Variants in NOTCH3 observed in about 807,000 individuals in gnomAD.
NOTCH3 encodes neurogenic locus notch homolog protein 3.
A neutral mutation model predicts 213.3 loss-of-function variants in NOTCH3; 86 were observed. That is an observed-to-expected ratio of 0.40 (90% CI 0.34 to 0.48). The LOEUF (loss-of-function observed/expected upper bound fraction) is 0.48. Among genes scored for constraint, NOTCH3 ranks in the 20% least tolerant of loss-of-function variants. The pLI is 0.57. For synonymous variants in NOTCH3, 1,354 were observed against 1,355.9 expected, an observed-to-expected ratio of 1.00 and a Z score of 0.03; for missense variants, 2,783 against 3,272.6, an observed-to-expected ratio of 0.85 and a Z score of 3.65.
rs747052510 is a variant in NOTCH3 at position 15,178,130 on chromosome 19, G to A, written c.3838-40C>T. On this transcript the variant is annotated intron_variant, in intron 23 of 32. Coordinates refer to ENST00000263388, the MANE Select transcript of NOTCH3 (RefSeq NM_000435.3). ...TGGGGAGGGAGGGATAAAAATGAGG[G>A]TGGGGAGTGGAGGGAAGGAGGAGAA... The A allele has an allele frequency of 1.1e-5, 14 of 1,300,816 alleles. No individual in the cohort carries two copies. The South Asian group carries it at 1.5e-4, about 14-fold the overall frequency. The allele number at this position is 1,300,816 out of a possible 1,614,324, so 80.6% of individuals were successfully genotyped here. A position where few individuals can be genotyped will look rare whatever the true frequency, so the allele number is the denominator to read the frequency against.
rs772738353 is a variant in NOTCH3, at chr19:15,177,654, CA to C, written c.4273del (p.Trp1425GlyfsTer153). On this transcript the variant is annotated frameshift_variant, in exon 24 of 33. Transcript: ENST00000263388. LOFTEE classifies it high-confidence loss of function. The part of the protein sequence containing the change: ...GDCSLSVGDP[W>X]RQCEALQCWR... ...GCACTGCAGCGCCTCGCATTGCCGC[CA>C]GGGGTCGCCCACGCTCAGCGAGCAG... 1 of 1,559,660 alleles carries C rather than the reference CA, an allele frequency of 6.4e-7. No homozygotes were observed. The highest frequency in any genetic ancestry group is 8.6e-7 in the Non-Finnish European group (1 of 1,159,456).
At chr19:15,179,741 G>A in intron 20 of NOTCH3, 1 of 592,258 alleles carries the variant, frequency 1.7e-6, no homozygotes, top group East Asian at 2.9e-5. Flanking sequence ...AATTAGCTGG[G>A]CGTGGTGGTG....
At chr19:15,200,756 C>T (rs1364180136) in intron 1 of NOTCH3, 32 bp downstream of exon 1, 3 of 1,270,216 alleles carry the variant, frequency 2.4e-6, no homozygotes, top group African/African-American at 1.5e-5. Flanking sequence ...CTCTGCCGCC[C>T]TCGTCCCATC....
rs1684656999 is a variant in NOTCH3, at chr19:15,165,921, G to A, written c.5533C>T (p.Leu1845=). 6.2e-7 allele frequency: 1 copy of A among 1,614,054 alleles called. No homozygotes were observed. The highest frequency in any genetic ancestry group is 1.3e-5 in the African/African-American group (1 of 74,930). The change falls in exon 30 of 33, where the codon CTG becomes TTG. Residue 1845 remains leucine, a synonymous_variant. Transcript: ENST00000263388. This position sits in a 1 kb window ranked among gnomAD's most constrained non-coding sequence, Gnocchi z 4.7. ...TDRTGETALH[L]AARYARADAA... Reference sequence around the variant, plus strand: ...TCAGCACGGGCATAACGGGCAGCCAGGTGCAAAGCAGTCTCGCCAGTACGG... The same window carrying A: ...TCAGCACGGGCATAACGGGCAGCCAAGTGCAAAGCAGTCTCGCCAGTACGG...
At chr19:15,162,372 G>GT in intron 32 of NOTCH3, 93 bp downstream of exon 32, 2 of 910,866 alleles carry the variant, frequency 2.2e-6, no homozygotes, top group Non-Finnish European at 3.6e-6. Context: ...ATTTTGTTTT[G>GT]TTTTTTGAGA....
At position 15,185,026 on chromosome 19, in the gene NOTCH3, G is replaced by A. The variant is rs1454506249; in HGVS notation, c.2297-7C>T. ...AGGAGTTCACACTGACGTCCTGTTG[G>A]GGGTGGAAGAGAGGGAAGCAGAGAT... is the stretch of plus-strand genomic sequence containing the variant. On this transcript the variant is annotated splice_polypyrimidine_tract_variant and splice_region_variant and intron_variant, in intron 14 of 32. Transcript: ENST00000263388. This position sits in a 1 kb window ranked among gnomAD's most constrained non-coding sequence, Gnocchi z 4.2. The A allele has an allele frequency of 2.1e-6, 3 of 1,446,336 alleles. No individual in the cohort carries two copies. The highest frequency in any genetic ancestry group is 1.9e-4 in the Middle Eastern group (1 of 5,356). The allele number at this position is 1,446,336 out of a possible 1,614,324, so 89.6% of individuals were successfully genotyped here. A position where few individuals can be genotyped will look rare whatever the true frequency, so the allele number is the denominator to read the frequency against.
At chr19:15,173,054 C>CCCTTCCTCTTCCTCTTCCTCTTCTTCT (rs1568351206) in intron 25 of NOTCH3, among the ~76,000 whole-genome samples, 1 of 5,526 alleles carries the variant, frequency 1.8e-4, no homozygotes, top group African/African-American at 1.9e-3. Context: ...TCCCTCCTCC[C>CCCTTCCTCTTCCTCTTCCTCTTCTTCT]TCTTCTTCTT....
At chr19:15,178,980 G>T in intron 22 of NOTCH3, 39 bp from the exon 23 acceptor site, 1 of 1,614,128 alleles carries the variant, frequency 6.2e-7, no homozygotes, top group African/African-American at 1.3e-5. Flanking sequence ...CACAATGGGG[G>T]AATGACAGGC....
chr19:15,200,739 A>G, intron 1 of NOTCH3, 49 bp downstream of exon 1: 1 of 1,212,806 alleles, frequency 8.2e-7, no homozygotes, highest in Non-Finnish European at 1.0e-6. Context: ...GGGTTCTTGC[A>G]CTCCCCCTCT....
Position 15,160,025 on chromosome 19 carries a change from G to C in NOTCH3, c.*637C>G, listed in dbSNP as rs558109739. The C allele has an allele frequency of 4.3e-6, 1 of 233,942 alleles. No homozygotes were observed. Among genetic ancestry groups the C allele is most frequent in the African/African-American group, 2.2e-5 (1 of 45,344 alleles). 14.5% of individuals were successfully genotyped at this position (233,942 alleles called of 1,614,324 possible). A position where few individuals can be genotyped will look rare whatever the true frequency, so the allele number is the denominator to read the frequency against. On this transcript the variant is annotated 3_prime_UTR_variant, in exon 33 of 33. Coordinates refer to ENST00000263388, the MANE Select transcript of NOTCH3 (RefSeq NM_000435.3). ...GAATGCAGTGAAGTGAGGGAGGTGG[G>C]GTGGGGAGGAGGCTCCCAACACTCC...
At chr19:15,199,729 C>A (rs925837366) in intron 1 of NOTCH3, among the ~76,000 whole-genome samples, 2 of 152,164 alleles carry the variant, frequency 1.3e-5, no homozygotes, top group African/African-American at 4.8e-5. Context: ...CCGGCGGAGG[C>A]GGCGGCTCCT....
At chr19:15,181,191 C>A (rs369973621) in intron 17 of NOTCH3, 29 bp from the exon 18 acceptor site, 3 of 1,589,078 alleles carry the variant, frequency 1.9e-6, no homozygotes, top group South Asian at 1.1e-5. Flanking sequence ...GAGGGAGGAT[C>A]AGGCTCCGCC....
At chr19:15,193,567 G>A (rs1394478212) in intron 2 of NOTCH3, among the ~76,000 whole-genome samples, 1 of 151,896 alleles carries the variant, frequency 6.6e-6, no homozygotes, top group African/African-American at 2.4e-5. Context: ...AGAAGTTCAA[G>A]ATCAGCTTGA....
rs1176226443 is a variant in NOTCH3, at chr19:15,161,605, G to A, written c.6023C>T (p.Pro2008Leu). 3 of 1,612,748 alleles carry A rather than the reference G, an allele frequency of 1.9e-6. No homozygotes were observed. The highest frequency in any genetic ancestry group is 1.3e-5 in the African/African-American group (1 of 75,044). ...CAGTCTCTCCTGGGCTACGTCCCGC[G>A]GCAGCCTGTCCAGGTGGTCGGTGAT... ...REITDHLDRL[P>L]RDVAQERLHQ... is the part of the protein sequence containing the mutation. Residue 2008 changes from proline to leucine, a missense_variant, in exon 33 of 33, where the codon CCG (proline) becomes CTG (leucine). Physicochemically the swap from Pro to Leu is moderately conservative, Grantham distance 98. This residue lies in a region of NOTCH3 where 441 missense variants were observed against 432.1 expected (regional missense o/e 1.02). Coordinates refer to ENST00000263388, the MANE Select transcript of NOTCH3 (RefSeq NM_000435.3).
chr19:15,161,365 C>A lies in NOTCH3; in HGVS notation c.6263G>T (p.Cys2088Phe). ...CGAGCTGTCAGCCAGGGGGCCCGGG[C>A]AGGCCAGCGTCAGCTTCTTGCCCCG... ...RGRGKKLTLACPGPLADSSVT... is the reference protein window; with the variant it reads ...RGRGKKLTLAFPGPLADSSVT... Residue 2088 changes from cysteine to phenylalanine, a missense_variant, in exon 33 of 33, where the codon TGC becomes TTC. Transcript: ENST00000263388. 6.6e-7 allele frequency: 1 copy of A among 1,525,788 alleles called. No individual in the cohort carries two copies. Among genetic ancestry groups the A allele is most frequent in the Non-Finnish European group, 8.8e-7 (1 of 1,138,276 alleles). The allele number at this position is 1,525,788 out of a possible 1,614,324, so 94.5% of individuals were successfully genotyped here.
At chr19:15,192,897 A>G (rs2046941493) in intron 2 of NOTCH3, among the ~76,000 whole-genome samples, 1 of 152,086 alleles carries the variant, frequency 6.6e-6, no homozygotes, top group Admixed American at 6.6e-5. Flanking sequence ...CCTGGGTGAC[A>G]GAGTAAGACT....
intron 2 of NOTCH3, among the ~76,000 whole-genome samples, chr19:15,193,943 G>A (rs1162762511): frequency 4.0e-5 from 6 of 151,642 alleles, no homozygotes; most frequent in South Asian, 2.1e-4. Flanking sequence ...TTAGCTGGGC[G>A]TGGTGGTGCA....
chr19:15,191,735 C>CA lies in NOTCH3; in HGVS notation c.802+9dup. 6.2e-7 allele frequency: 1 copy of CA among 1,613,768 alleles called. No homozygotes were observed. Among genetic ancestry groups the CA allele is most frequent in the Non-Finnish European group, 8.5e-7 (1 of 1,180,052 alleles). On this transcript the variant is annotated intron_variant, in intron 5 of 32. Coordinates refer to ENST00000263388, the MANE Select transcript of NOTCH3 (RefSeq NM_000435.3). ...CCTGCCTCCCCGCTCCCTCTGGCCG[C>CA]AGTGCCCACCTGTCCACTCAGGAGG...
In NOTCH3 at chr19:15,180,717, G is replaced by C. The variant is rs1443968854; in HGVS notation, c.3106C>G (p.Arg1036Gly). The change falls in exon 19 of 33, where the codon CGA becomes GGA. Residue 1036 changes from arginine (R) to glycine (G), a missense_variant. This residue lies in a region of NOTCH3 where 861 missense variants were observed against 909.1 expected (regional missense o/e 0.95). Transcript: ENST00000263388. ...PGWSGRLCDI[R>G]SLPCREAAAQ... is the part of the protein sequence containing the mutation. ...GCGGCCTCCCTGCAGGGCAAGCTTC[G>C]GATGTCACAGAGGCGTCCGCTCCAT... The C allele has an allele frequency of 6.4e-7, 1 of 1,567,244 alleles. No homozygotes were observed. Among genetic ancestry groups the C allele is most frequent in the Non-Finnish European group, 8.6e-7 (1 of 1,156,876 alleles).
Sources: allele counts gnomAD v4.1 joint callset (sites outside exome capture counted in the v4.1 genomes callset), GRCh38; gene constraint gnomAD v4.1.1; regional missense constraint gnomAD v4.1.1; non-coding constraint Gnocchi (gnomAD v3.1); transcripts MANE v1.5; gene names NCBI Gene and HGNC (gene_info 2026-07-23, HGNC 2026-07-21).